The following CDH18 variants were observed in gnomAD, a reference collection of about 807,000 sequenced individuals.
The protein encoded by CDH18 is cadherin-18.
Under a neutral mutation model 67.9 loss-of-function variants are expected in CDH18, and 31 were observed. That is an observed-to-expected ratio of 0.46 (90% CI 0.34 to 0.62). CDH18 has a LOEUF of 0.62. CDH18 is among the 20% of genes least tolerant of loss of function. The pLI, the probability that CDH18 is intolerant of heterozygous loss-of-function variation, is 0.01. For synonymous variants in CDH18, 362 were observed against 347.2 expected (o/e 1.04, Z -0.48); for missense variants, 890 against 975.5 (o/e 0.91, Z 1.17).
At chr5:19,583,452 C>G (rs997615787) in intron 7 of CDH18, among the ~76,000 whole-genome samples, 1 of 151,948 alleles carries the variant, frequency 6.6e-6, no homozygotes, top group African/African-American at 2.4e-5. Flanking sequence ...AGTTGATTGC[C>G]AAGAAACATG....
At chr5:19,984,017 A>C (rs1270099096) in intron 1 of CDH18, among the ~76,000 whole-genome samples, 1 of 152,182 alleles carries the variant, frequency 6.6e-6, no homozygotes, top group Non-Finnish European at 1.5e-5. Context: ...TGAACTAAGC[A>C]TCAGACCTAT....
intron 5 of CDH18, among the ~76,000 whole-genome samples, chr5:19,688,614 G>T (rs191642968): frequency 1.3e-5 from 2 of 151,968 alleles, no homozygotes; most frequent in Admixed American, 6.6e-5. Context: ...AACAATATAA[G>T]AACTCAAGAA....
At chr5:19,727,049 C>T (rs1432835037) in intron 4 of CDH18, among the ~76,000 whole-genome samples, 1 of 152,106 alleles carries the variant, frequency 6.6e-6, no homozygotes, top group Non-Finnish European at 1.5e-5. Flanking sequence ...AGAACTGTGA[C>T]AAATAAATGT....
chr5:19,808,237 A>T (rs1399295522), intron 3 of CDH18, among the ~76,000 whole-genome samples: 1 of 151,928 alleles, frequency 6.6e-6, no homozygotes, highest in Admixed American at 6.6e-5. Context: ...AAAATGATTG[A>T]TTATATTTAA....
intron 4 of CDH18, among the ~76,000 whole-genome samples, chr5:19,722,313 C>T (rs902794091): frequency 2.0e-5 from 3 of 151,922 alleles, no homozygotes; most frequent in African/African-American, 7.3e-5. Flanking sequence ...CTCAGCCTCC[C>T]AAAGTGCTGG....
intron 3 of CDH18, among the ~76,000 whole-genome samples, chr5:19,792,133 T>C (rs1476596838): frequency 6.6e-6 from 1 of 152,134 alleles, no homozygotes; most frequent in Non-Finnish European, 1.5e-5. Flanking sequence ...TCTAGATGTG[T>C]CTATGAGAAT....
intron 2 of CDH18, among the ~76,000 whole-genome samples, chr5:20,226,982 C>G (rs1395860752): frequency 1.3e-5 from 2 of 152,018 alleles, no homozygotes; most frequent in Non-Finnish European, 2.9e-5. Flanking sequence ...TGTGAATGTG[C>G]TTTTACTCAT....
At chr5:20,019,166 T>G (rs2221663) in intron 2 of CDH18, among the ~76,000 whole-genome samples, 1 of 152,090 alleles carries the variant, frequency 6.6e-6, no homozygotes, top group Non-Finnish European at 1.5e-5. Flanking sequence ...TTAAGCACCA[T>G]GAAATCACTA....
At chr5:20,287,802 G>A (rs955169411) in intron 1 of CDH18, among the ~76,000 whole-genome samples, 22 of 151,450 alleles carry the variant, frequency 1.5e-4, no homozygotes, top group Admixed American at 1.3e-3. Context: ...GTGACTTCTC[G>A]GTATCACATT....
intron 9 of CDH18, among the ~76,000 whole-genome samples, chr5:19,525,477 A>T (rs1296866476): frequency 1.3e-5 from 2 of 152,180 alleles, no homozygotes; most frequent in Non-Finnish European, 2.9e-5. Flanking sequence ...TACCTTATTG[A>T]GCATGTGACT....
At chr5:20,204,422 A>T (rs1739713979) in intron 2 of CDH18, among the ~76,000 whole-genome samples, 1 of 152,036 alleles carries the variant, frequency 6.6e-6, no homozygotes. Flanking sequence ...TATGAAGGAG[A>T]GAGAAATTTT....
intron 2 of CDH18, among the ~76,000 whole-genome samples, chr5:20,189,153 C>A (rs970293497): frequency 6.6e-6 from 1 of 152,022 alleles, no homozygotes; most frequent in African/African-American, 2.4e-5. Flanking sequence ...ATTTTCAAGT[C>A]ACTTTGCCTG....
chr5:20,069,897 A>C (rs1743323429), intron 2 of CDH18, among the ~76,000 whole-genome samples: 1 of 152,134 alleles, frequency 6.6e-6, no homozygotes, highest in South Asian at 2.1e-4. Flanking sequence ...CACCGAAATG[A>C]TCACGGCACC....
intron 1 of CDH18, among the ~76,000 whole-genome samples, chr5:20,410,062 G>A (rs759555016): frequency 6.6e-6 from 1 of 151,714 alleles, no homozygotes; most frequent in Non-Finnish European, 1.5e-5. Context: ...AATATTTGGA[G>A]AAGAATTAAT....
intron 2 of CDH18, among the ~76,000 whole-genome samples, chr5:19,945,485 T>C (rs1795203754): frequency 6.6e-6 from 1 of 152,136 alleles, no homozygotes; most frequent in East Asian, 1.9e-4. Context: ...CCTGTCATCA[T>C]AGCAGGGAGG....
chr5:20,348,631 C>A (rs2150053703), intron 1 of CDH18, among the ~76,000 whole-genome samples: 1 of 152,206 alleles, frequency 6.6e-6, no homozygotes, highest in East Asian at 1.9e-4. Context: ...ACTGAGAAAG[C>A]AGCTTGGAAA....
intron 1 of CDH18, among the ~76,000 whole-genome samples, chr5:20,386,003 A>G (rs552099059): frequency 5.9e-5 from 9 of 152,356 alleles, no homozygotes; most frequent in African/African-American, 2.2e-4. Context: ...ATAATCATTT[A>G]CACATCTATG....
rs578242385 is a variant in CDH18, at chr5:20,281,304, T to A, written c.-579-25799A>T. On this transcript the variant is annotated intron_variant, in intron 1 of 14. Coordinates refer to the CDH18 transcript ENST00000507958. ...GCCCATGCCTATGTCCTGAATGGTA[T>A]TGCCTAGGTTTTCTTCTAGGGATTT... Among the ~76,000 whole-genome samples, 1,065 of 152,316 alleles carry A rather than the reference T, an allele frequency of 7.0e-3. 9 individuals carry two copies. The highest frequency in any genetic ancestry group is 0.024 in the Middle Eastern group (7 of 294).
chr5:20,465,160 G>A (rs1751552269), intron 1 of CDH18, among the ~76,000 whole-genome samples: 1 of 152,118 alleles, frequency 6.6e-6, no homozygotes, highest in Admixed American at 6.6e-5. Context: ...TGGCATGAGA[G>A]AGCCTAGACA....
Sources: allele counts gnomAD v4.1 joint callset (sites outside exome capture counted in the v4.1 genomes callset), GRCh38; gene constraint gnomAD v4.1.1; transcripts MANE v1.5; gene names NCBI Gene and HGNC (gene_info 2026-07-23, HGNC 2026-07-21).